The following RAPGEF4 variants were observed in gnomAD, a reference collection of about 807,000 sequenced individuals.
RAPGEF4 encodes the protein Rap guanine nucleotide exchange factor 4.
Under a neutral mutation model 147.9 loss-of-function variants are expected in RAPGEF4, and 66 were observed. That is an observed-to-expected ratio of 0.45 (90% CI 0.37 to 0.55). The LOEUF (loss-of-function observed/expected upper bound fraction) is 0.55. Among genes scored for constraint, RAPGEF4 ranks in the 20% least tolerant of loss-of-function variants. The pLI, the probability that RAPGEF4 is intolerant of heterozygous loss-of-function variation, is 0.00. For synonymous variants in RAPGEF4, 419 were observed against 442.7 expected (o/e 0.95, Z 0.67); for missense variants, 1,071 against 1,257.3 (o/e 0.85, Z 2.24).
chr2:172,921,223 C>T (rs1014746251), intron 5 of RAPGEF4, among the ~76,000 whole-genome samples: 1 of 151,948 alleles, frequency 6.6e-6, no homozygotes, highest in South Asian at 2.1e-4. Flanking sequence ...TCAGGCGGTC[C>T]TCCCAAGTAG....
At chr2:172,856,436 T>G (rs1243424044) in intron 4 of RAPGEF4, among the ~76,000 whole-genome samples, 1 of 152,218 alleles carries the variant, frequency 6.6e-6, no homozygotes, top group African/African-American at 2.4e-5. Context: ...TTTGGTTGGT[T>G]TCTTTTGAGG....
rs1377627713 is a variant in RAPGEF4 at position 173,035,467 on chromosome 2, C to T, written c.2701-658C>T. Among the ~76,000 whole-genome samples, 7 of 149,924 alleles carry T rather than the reference C, an allele frequency of 4.7e-5. No individual in the cohort carries two copies. In the South Asian group the frequency reaches 8.6e-4, roughly 18 times the overall value. ...CAGAGCTTGCAGTGAGCGGAGATCGCGCCACTGCACTCCAGCCTGGGTGAC... is the reference window on the plus strand; with the variant it reads ...CAGAGCTTGCAGTGAGCGGAGATCGTGCCACTGCACTCCAGCCTGGGTGAC... On this transcript the variant is annotated intron_variant, in intron 27 of 30. Transcript: ENST00000397081.
At chr2:172,806,066 T>C (rs1039543767) in intron 3 of RAPGEF4, among the ~76,000 whole-genome samples, 2 of 146,094 alleles carry the variant, frequency 1.4e-5, no homozygotes, top group Non-Finnish European at 3.0e-5. Flanking sequence ...TGTGTTTACT[T>C]CAGAGACAGA....
intron 6 of RAPGEF4, among the ~76,000 whole-genome samples, chr2:172,954,645 G>A (rs1688548920): frequency 6.6e-6 from 1 of 152,114 alleles, no homozygotes; most frequent in South Asian, 2.1e-4. Context: ...CCCAAAGAGT[G>A]ATGACATTGA....
At chr2:172,932,569 A>G (rs13025467) in intron 6 of RAPGEF4, among the ~76,000 whole-genome samples, 35,683 of 152,202 alleles carry the variant, frequency 0.23, 5,348 homozygotes, top group Middle Eastern at 0.34. Flanking sequence ...TTCCCATTTT[A>G]TTTCCTCTGT....
At chr2:172,932,861 A>G (rs1408472695) in intron 6 of RAPGEF4, among the ~76,000 whole-genome samples, 1 of 152,224 alleles carries the variant, frequency 6.6e-6, no homozygotes, top group African/African-American at 2.4e-5. Context: ...TCTTGTGACC[A>G]TGGGTCTTTG....
intron 4 of RAPGEF4, among the ~76,000 whole-genome samples, chr2:172,880,481 A>C (rs1471953930): frequency 6.6e-6 from 1 of 152,096 alleles, no homozygotes; most frequent in Non-Finnish European, 1.5e-5. Flanking sequence ...GTATATAGGA[A>C]ATGCTCAAGA....
chr2:172,868,928 G>A (rs1311686540), intron 4 of RAPGEF4, among the ~76,000 whole-genome samples: 1 of 152,164 alleles, frequency 6.6e-6, no homozygotes, highest in Non-Finnish European at 1.5e-5. Flanking sequence ...GACGAGAGCT[G>A]GAGCAAGAGA....
Position 172,936,597 on chromosome 2 carries a change from T to TA in RAPGEF4, c.537+14297_537+14298insA, listed in dbSNP as rs1471139358. Among the ~76,000 whole-genome samples, 5 of 152,192 alleles carry TA rather than the reference T, an allele frequency of 3.3e-5. No homozygotes were observed. The East Asian group carries it at 7.7e-4, about 23-fold the overall frequency. On this transcript the variant is annotated intron_variant, in intron 6 of 30. Transcript: ENST00000397081. ...CTGCAATACATTTTTATTGTTTTTT[T>TA]TTTGCAATAATTTTTTTTAAATAGC...
intron 1 of RAPGEF4, among the ~76,000 whole-genome samples, chr2:172,750,900 A>T (rs919879564): frequency 1.4e-4 from 22 of 152,128 alleles, no homozygotes; most frequent in African/African-American, 5.3e-4. Flanking sequence ...CCTTTATCAG[A>T]TATATCATTT....
intron 4 of RAPGEF4, among the ~76,000 whole-genome samples, chr2:172,817,348 G>A (rs568406568): frequency 2.0e-5 from 3 of 152,112 alleles, no homozygotes; most frequent in African/African-American, 4.8e-5. Flanking sequence ...CATATATAGC[G>A]CTAATCTGCT....
At chr2:172,958,978 TATTTACCTC>T (rs1559145361) in intron 6 of RAPGEF4, among the ~76,000 whole-genome samples, 1 of 152,254 alleles carries the variant, frequency 6.6e-6, no homozygotes, top group Non-Finnish European at 1.5e-5. Flanking sequence ...TATTGGCCTT[TATTTACCTC>T]ATTTTTTATT....
rs1005413101 is a variant in RAPGEF4 at position 172,874,037 on chromosome 2, G to A, written c.445-43765G>A. Among the ~76,000 whole-genome samples, 3 of 152,184 alleles carry A rather than the reference G, an allele frequency of 2.0e-5. No individual in the cohort carries two copies. In the South Asian group the frequency reaches 6.2e-4, roughly 32 times the overall value. On this transcript the variant is annotated intron_variant, in intron 4 of 30. Coordinates refer to ENST00000397081, the MANE Select transcript of RAPGEF4 (RefSeq NM_007023.4). ...CAGTTAGAATGGCAATCATTAGAAA[G>A]TCAGGACACAATAGATGCTGGAGAG... is the stretch of plus-strand genomic sequence containing the variant.
chr2:172,845,436 A>ATT (rs145267293), intron 4 of RAPGEF4, among the ~76,000 whole-genome samples: 2,427 of 149,842 alleles, frequency 0.016, 23 homozygotes, highest in South Asian at 0.034. Context: ...CCAAACCCAG[A>ATT]TTTTTTTTTT....
chr2:173,036,087 TC>T (rs1219964699), intron 27 of RAPGEF4, 37 bp from the exon 28 acceptor site: 3 of 1,455,258 alleles, frequency 2.1e-6, no homozygotes, highest in Non-Finnish European at 2.9e-6. Flanking sequence ...GGTGTATCTG[TC>T]ACCAGTCATT....
At chr2:173,044,631 T>C (rs922842920) in intron 29 of RAPGEF4, among the ~76,000 whole-genome samples, 1 of 152,156 alleles carries the variant, frequency 6.6e-6, no homozygotes, top group Non-Finnish European at 1.5e-5. Flanking sequence ...TAGGAACATA[T>C]TCATTTTTGC....
At chr2:172,921,684 A>G (rs1684777696) in intron 5 of RAPGEF4, among the ~76,000 whole-genome samples, 1 of 152,252 alleles carries the variant, frequency 6.6e-6, no homozygotes, top group Non-Finnish European at 1.5e-5. Context: ...ATGTTTGTAA[A>G]TCAATGACAA....
At chr2:172,798,876 C>T (rs1458217509) in intron 3 of RAPGEF4, among the ~76,000 whole-genome samples, 1 of 152,154 alleles carries the variant, frequency 6.6e-6, no homozygotes, top group East Asian at 1.9e-4. Context: ...GTGTCCAAAT[C>T]CTGTGTAATC....
intron 17 of RAPGEF4, among the ~76,000 whole-genome samples, chr2:173,011,785 T>C (rs1283720848): frequency 1.3e-5 from 2 of 151,878 alleles, no homozygotes; most frequent in Non-Finnish European, 2.9e-5. Context: ...GTATTTTCTC[T>C]GAAAAGCATA....
Sources: gnomAD v4.1 joint callset for allele counts (sites outside exome capture counted in the v4.1 genomes callset) on GRCh38, gnomAD v4.1.1 for gene constraint, MANE v1.5 for transcripts, NCBI Gene and HGNC (gene_info 2026-07-23, HGNC 2026-07-21) for gene names.